GLDC: variants seen among roughly 807,000 people sequenced by gnomAD.
GLDC encodes glycine dehydrogenase (decarboxylating), mitochondrial.
A neutral mutation model predicts 121.3 loss-of-function variants in GLDC; 104 were observed. The observed-to-expected ratio is 0.86, with a 90% confidence interval of 0.73 to 1.01. The LOEUF is 1.01. GLDC is among the 50% of genes least tolerant of loss of function. GLDC has a pLI of 0.00. For missense variants in GLDC, 1,429 were observed against 1,306.6 expected (o/e 1.09, Z -1.44); for synonymous variants, 546 against 480.6 (o/e 1.14, Z -1.78).
At chr9:6,640,235 A>G (rs1243126796) in intron 2 of GLDC, among the ~76,000 whole-genome samples, 1 of 152,240 alleles carries the variant, frequency 6.6e-6, no homozygotes, top group Non-Finnish European at 1.5e-5. Context: ...TTTAATGGAA[A>G]TTTATTGGAA....
At chr9:6,588,342 G>T in intron 14 of GLDC, 59 bp downstream of exon 14, 2 of 1,155,976 alleles carry the variant, frequency 1.7e-6, no homozygotes, top group South Asian at 1.2e-5. Context: ...TCTGGGCTTA[G>T]GTGGAAGCTA....
At chr9:6,559,814 C>CAA (rs957545158) in intron 16 of GLDC, among the ~76,000 whole-genome samples, 4 of 140,492 alleles carry the variant, frequency 2.8e-5, no homozygotes, top group African/African-American at 1.0e-4. Context: ...GACTCCGTCT[C>CAA]AAAAAAAAAA....
chr9:6,542,348 C>T (rs979203686), intron 21 of GLDC: 8 of 152,298 alleles, frequency 5.3e-5, no homozygotes, highest in Non-Finnish European at 1.0e-4. Flanking sequence ...AAGCAATCCT[C>T]TCAGTTCAGC....
chr9:6,553,778 G>A (rs899789118), intron 19 of GLDC, among the ~76,000 whole-genome samples: 7 of 151,936 alleles, frequency 4.6e-5, no homozygotes, highest in Non-Finnish European at 1.0e-4. Context: ...TAAAACAGTG[G>A]AGTTCCATGT....
At chr9:6,589,416 T>G in intron 11 of GLDC, 124 bp from the exon 12 acceptor site, 1 of 358,304 alleles carries the variant, frequency 2.8e-6, no homozygotes, top group Non-Finnish European at 4.9e-6. Context: ...ATTTTACTTA[T>G]TTATTTATTT....
chr9:6,577,693 C>G (rs1332662286), intron 15 of GLDC, among the ~76,000 whole-genome samples: 1 of 152,026 alleles, frequency 6.6e-6, no homozygotes, highest in Non-Finnish European at 1.5e-5. Context: ...CCACCTATGC[C>G]CCTGTGCACA....
chr9:6,620,326 G>A lies in GLDC; in HGVS notation c.335-7C>T, dbSNP rs746303540. The stretch of plus-strand genomic sequence containing the variant: ...GCAAGGATTTCATTTTCACCTAATT[G>A]TGGGAAAAAGAGAAATGTTACAGAC... On this transcript the variant is annotated splice_region_variant and splice_polypyrimidine_tract_variant and intron_variant, in intron 2 of 24. Transcript: ENST00000321612. 1.9e-6 allele frequency: 3 copies of A among 1,611,856 alleles called. No individual in the cohort carries two copies. In the East Asian group the frequency reaches 6.7e-5, roughly 36 times the overall value.
At chr9:6,600,838 A>G (rs1818594526) in intron 8 of GLDC, among the ~76,000 whole-genome samples, 1 of 152,190 alleles carries the variant, frequency 6.6e-6, no homozygotes, top group South Asian at 2.1e-4. Context: ...AACCCTGGTC[A>G]GAACCCAGGA....
chr9:6,624,529 G>C (rs539990173), intron 2 of GLDC, among the ~76,000 whole-genome samples: 1 of 152,294 alleles, frequency 6.6e-6, no homozygotes, highest in South Asian at 2.1e-4. Context: ...CCAACATCTT[G>C]ATTTCTGACT....
At chr9:6,624,714 C>T (rs116437759) in intron 2 of GLDC, among the ~76,000 whole-genome samples, 2 of 152,204 alleles carry the variant, frequency 1.3e-5, no homozygotes, top group South Asian at 2.1e-4. Flanking sequence ...TGGTGGGGCA[C>T]GGTGGCTTAC....
chr9:6,636,715 C>T (rs1819509187), intron 2 of GLDC, among the ~76,000 whole-genome samples: 1 of 152,070 alleles, frequency 6.6e-6, no homozygotes, highest in African/African-American at 2.4e-5. Flanking sequence ...GTCGAGGCTG[C>T]AGTAAGCTGT....
At chr9:6,629,289 A>G (rs1022615575) in intron 2 of GLDC, among the ~76,000 whole-genome samples, 9 of 149,792 alleles carry the variant, frequency 6.0e-5, no homozygotes, top group African/African-American at 2.2e-4. Context: ...ATCTCGGCTC[A>G]CTGCAACCTC....
chr9:6,553,472 C>T lies in GLDC; in HGVS notation c.2353G>A (p.Val785Ile), dbSNP rs372101832. ...TCCTCATTCCGCTTTAGTGAAATGA[C>T]GGGATGATTGGGCAAAAACGGGGCG... ...HLAPFLPNHP[V>I]ISLKRNEDAC... Residue 785 changes from valine to isoleucine, a missense_variant, in exon 20 of 25, where the codon GTC (valine) becomes ATC (isoleucine). Transcript: ENST00000321612. 19 of 1,613,812 alleles carry T rather than the reference C, an allele frequency of 1.2e-5. 1 individual carries two copies. Among genetic ancestry groups the T allele is most frequent in the East Asian group, 6.7e-5 (3 of 44,862 alleles).
At chr9:6,625,073 AG>A (rs1271796894) in intron 2 of GLDC, among the ~76,000 whole-genome samples, 2 of 152,068 alleles carry the variant, frequency 1.3e-5, no homozygotes, top group African/African-American at 4.8e-5. Flanking sequence ...TACTAGTGGA[AG>A]TAATCGACCC....
At chr9:6,636,352 C>T (rs933910401) in intron 2 of GLDC, among the ~76,000 whole-genome samples, 1 of 151,668 alleles carries the variant, frequency 6.6e-6, no homozygotes, top group Non-Finnish European at 1.5e-5. Context: ...AATGTAGGTT[C>T]AATTGTAGCA....
chr9:6,592,117 G>A (rs758562982), intron 11 of GLDC, 26 bp downstream of exon 11: 3 of 1,377,902 alleles, frequency 2.2e-6, no homozygotes, highest in East Asian at 2.3e-5. Context: ...GTTATGATGA[G>A]GAACGCATGT....
chr9:6,630,270 GA>G (rs918547067), intron 2 of GLDC, among the ~76,000 whole-genome samples: 1 of 151,558 alleles, frequency 6.6e-6, no homozygotes, highest in African/African-American at 2.4e-5. Flanking sequence ...CTCTGTCTCA[GA>G]AAAAAAATAA....
At chr9:6,543,468 A>G (rs1817313568) in intron 21 of GLDC, among the ~76,000 whole-genome samples, 1 of 152,178 alleles carries the variant, frequency 6.6e-6, no homozygotes, top group African/African-American at 2.4e-5. Flanking sequence ...AGGCACCGTC[A>G]AGCCAAGCCC....
chr9:6,586,527 A>T (rs993486419), intron 15 of GLDC, among the ~76,000 whole-genome samples: 14 of 152,216 alleles, frequency 9.2e-5, no homozygotes, highest in Non-Finnish European at 1.3e-4. Flanking sequence ...TAGTGACATT[A>T]CCAAAGCAGG....
Sources: gnomAD v4.1 joint callset for allele counts (sites outside exome capture counted in the v4.1 genomes callset) on GRCh38, gnomAD v4.1.1 for gene constraint, MANE v1.5 for transcripts, NCBI Gene and HGNC (gene_info 2026-07-23, HGNC 2026-07-21) for gene names.